Variants in NCKAP5 observed in about 807,000 individuals in gnomAD.
NCKAP5 encodes nck-associated protein 5.
A neutral mutation model predicts 167.0 loss-of-function variants in NCKAP5; 92 were observed. The ratio of observed to expected loss-of-function variants is 0.55; its 90% confidence interval spans 0.47 to 0.66. The LOEUF (loss-of-function observed/expected upper bound fraction) is 0.66. Ranked by LOEUF, NCKAP5 falls within the 30% of genes least tolerant of loss-of-function variation. The probability of loss-of-function intolerance (pLI) is 0.00; values close to 1 mark genes in which losing one functional copy is unlikely to be tolerated. For synonymous variants in NCKAP5, 891 were observed against 877.4 expected, an observed-to-expected ratio of 1.02 and a Z score of -0.27; for missense variants, 2,378 against 2,315.0, an observed-to-expected ratio of 1.03 and a Z score of -0.56.
intron 4 of NCKAP5, among the ~76,000 whole-genome samples, chr2:133,257,498 A>G (rs1235708171): frequency 6.6e-6 from 1 of 152,204 alleles, no homozygotes; most frequent in African/African-American, 2.4e-5. Flanking sequence ...TACGATAACT[A>G]CTCTGATAAA....
chr2:132,789,950 C>G (rs193084133), intron 13 of NCKAP5, 73 bp downstream of exon 13: 1 of 1,450,276 alleles, frequency 6.9e-7, no homozygotes, highest in East Asian at 2.4e-5. Flanking sequence ...TCCCACCTGC[C>G]CTTCATCTCC....
chr2:133,020,751 C>T lies in NCKAP5; in HGVS notation c.342-26512G>A, dbSNP rs16845619. On this transcript the variant is annotated intron_variant, in intron 6 of 19. Transcript: ENST00000409261. ...CACAAGACACAGGCTAGGAGGAAGGCGGCTGTGGTAAATAATTCTACCCTA... is the reference window on the plus strand; with the variant it reads ...CACAAGACACAGGCTAGGAGGAAGGTGGCTGTGGTAAATAATTCTACCCTA... Among the ~76,000 whole-genome samples, 2,457 of 152,272 alleles carry T rather than the reference C, an allele frequency of 0.016. 136 individuals are homozygous for T. In the East Asian group the frequency reaches 0.18, roughly 11 times the overall value.
chr2:133,439,745 C>T (rs1484240101), intron 3 of NCKAP5, among the ~76,000 whole-genome samples: 1 of 152,184 alleles, frequency 6.6e-6, no homozygotes, highest in Non-Finnish European at 1.5e-5. Flanking sequence ...TCTAGGCCTA[C>T]CCAACCACTT....
At chr2:133,570,554 T>C (rs370464929), upstream of NCKAP5, among the ~76,000 whole-genome samples, 15 of 152,298 alleles carry the variant, frequency 9.8e-5, no homozygotes, top group East Asian at 1.9e-3. Flanking sequence ...TTTCCCCTTA[T>C]ATTTGAGGAC....
At chr2:133,328,771 G>A (rs1682631619) in intron 3 of NCKAP5, among the ~76,000 whole-genome samples, 1 of 152,154 alleles carries the variant, frequency 6.6e-6, no homozygotes, top group Non-Finnish European at 1.5e-5. Context: ...GGGTAGACTA[G>A]CTGCAGTGCC....
intron 11 of NCKAP5, among the ~76,000 whole-genome samples, chr2:132,820,079 C>T (rs968452811): frequency 6.6e-6 from 1 of 151,982 alleles, no homozygotes; most frequent in African/African-American, 2.4e-5. Flanking sequence ...CCTAGGTATT[C>T]CCAAAAACCT....
At chr2:132,792,328 T>G (rs1219421365) in intron 12 of NCKAP5, among the ~76,000 whole-genome samples, 1 of 152,248 alleles carries the variant, frequency 6.6e-6, no homozygotes, top group Non-Finnish European at 1.5e-5. Flanking sequence ...TACTGATTTA[T>G]GAACTTGTTT....
chr2:133,646,526 A>AT, the NCKAP5 span, among the ~76,000 whole-genome samples: 1 of 152,160 alleles, frequency 6.6e-6, no homozygotes, highest in African/African-American at 2.4e-5. Context: ...AGAGATAAAG[A>AT]TTTTCCCCAA....
chr2:132,771,153 T>C (rs1682012487), intron 16 of NCKAP5, among the ~76,000 whole-genome samples: 1 of 152,166 alleles, frequency 6.6e-6, no homozygotes, highest in Non-Finnish European at 1.5e-5. Flanking sequence ...GACACTGTTA[T>C]CACAGGAAAT....
intron 6 of NCKAP5, among the ~76,000 whole-genome samples, chr2:133,111,583 C>T (rs10172235): frequency 0.18 from 26,694 of 152,128 alleles, 2,766 homozygotes; most frequent in East Asian, 0.51. Flanking sequence ...CCTCACTCTA[C>T]AAACACACCC....
At chr2:133,401,238 G>C (rs1688078826) in intron 3 of NCKAP5, among the ~76,000 whole-genome samples, 1 of 152,312 alleles carries the variant, frequency 6.6e-6, no homozygotes, top group African/African-American at 2.4e-5. Flanking sequence ...TGCCTCCGGA[G>C]AGAGCATAGA....
chr2:133,280,010 A>G (rs562922125), intron 4 of NCKAP5, among the ~76,000 whole-genome samples: 43 of 152,324 alleles, frequency 2.8e-4, no homozygotes, highest in Middle Eastern at 3.4e-3. Context: ...ATATTTTATT[A>G]TCTGTATCCA....
intron 5 of NCKAP5, among the ~76,000 whole-genome samples, chr2:133,189,442 G>T (rs1288652605): frequency 6.6e-6 from 1 of 151,912 alleles, no homozygotes; most frequent in East Asian, 1.9e-4. Context: ...TATGAGGCCA[G>T]CATCATCCTG....
chr2:132,827,485 T>C (rs1574347141), intron 11 of NCKAP5, among the ~76,000 whole-genome samples: 1 of 152,186 alleles, frequency 6.6e-6, no homozygotes, highest in Non-Finnish European at 1.5e-5. Flanking sequence ...AGTGATCATA[T>C]CAGGGTAATT....
intron 11 of NCKAP5, among the ~76,000 whole-genome samples, chr2:132,818,373 A>C (rs1686449699): frequency 6.6e-6 from 1 of 152,186 alleles, no homozygotes; most frequent in Non-Finnish European, 1.5e-5. Context: ...CTGAAATGAG[A>C]CCTCAGGAAT....
intron 5 of NCKAP5, among the ~76,000 whole-genome samples, chr2:133,148,963 C>G (rs1378622000): frequency 6.6e-6 from 1 of 152,062 alleles, no homozygotes; most frequent in Non-Finnish European, 1.5e-5. Flanking sequence ...ACAAAAATAC[C>G]TAGTTTCCCT....
At chr2:133,294,083 G>C (rs1264385633) in intron 4 of NCKAP5, among the ~76,000 whole-genome samples, 1 of 152,174 alleles carries the variant, frequency 6.6e-6, no homozygotes, top group African/African-American at 2.4e-5. Context: ...TGCTATTACA[G>C]AGCACTGAGC....
rs2081684560 is a variant in NCKAP5 at position 133,106,168 on chromosome 2, C to T, written c.341+23810G>A. Among the ~76,000 whole-genome samples, 6 of 147,276 alleles carry T rather than the reference C, an allele frequency of 4.1e-5. No homozygotes were observed. The South Asian group carries it at 1.3e-3, about 32-fold the overall frequency. On this transcript the variant is annotated intron_variant, in intron 6 of 19. Coordinates refer to ENST00000409261, the MANE Select transcript of NCKAP5 (RefSeq NM_207363.3). ...ATTAGCCAGGAGTGGTGGCAGGCGC[C>T]TGTAGTCCCAGCTACTCGGGAGGCT...
At chr2:133,263,470 G>A (rs1441639502) in intron 4 of NCKAP5, among the ~76,000 whole-genome samples, 1 of 151,576 alleles carries the variant, frequency 6.6e-6, no homozygotes, top group Non-Finnish European at 1.5e-5. Context: ...ATCTCCCTAT[G>A]GTATACCACC....
Sources: gnomAD v4.1 joint callset for allele counts (sites outside exome capture counted in the v4.1 genomes callset) on GRCh38, gnomAD v4.1.1 for gene constraint, MANE v1.5 for transcripts, NCBI Gene and HGNC (gene_info 2026-07-23, HGNC 2026-07-21) for gene names.